TMEM106A: variants seen among roughly 807,000 people sequenced by gnomAD.
TMEM106A encodes the protein transmembrane protein 106A.
In TMEM106A, 22 loss-of-function variants were observed where a neutral mutation model predicts 25.1. The observed-to-expected ratio is 0.88, with a 90% CI of 0.63 to 1.25. The LOEUF is 1.25. Among genes scored for constraint, TMEM106A ranks in the 50% most tolerant of loss-of-function variants. The probability of loss-of-function intolerance (pLI) is 0.00; values close to 1 mark genes in which losing one functional copy is unlikely to be tolerated. For missense variants in TMEM106A, 275 were observed against 318.1 expected, an observed-to-expected ratio of 0.86 and a Z score of 1.03; for synonymous variants, 104 against 129.9, an observed-to-expected ratio of 0.80 and a Z score of 1.35.
In TMEM106A at chr17:43,215,866, C is replaced by T. The variant is rs780877261; in HGVS notation, c.354C>T (p.Ser118=). ...SFIVFFLFPR[S]VIVQPAGLNS... Reference sequence around the variant, plus strand: ...TCGTCTTTTTCCTGTTTCCCCGGTCCGTCATTGTGCAGCCTGCAGGCCTCA... The same window carrying T: ...TCGTCTTTTTCCTGTTTCCCCGGTCTGTCATTGTGCAGCCTGCAGGCCTCA... The change falls in exon 5 of 9, where the codon TCC becomes TCT. Residue 118 remains serine, a synonymous_variant. Transcript: ENST00000612339. 7.4e-6 allele frequency: 12 copies of T among 1,614,070 alleles called. No homozygotes were observed. The highest frequency in any genetic ancestry group is 4.5e-5 in the East Asian group (2 of 44,874).
intron 6 of TMEM106A, 53 bp from the exon 7 acceptor site, chr17:43,216,644 T>C (rs1386692853): frequency 3.7e-6 from 6 of 1,614,138 alleles, no homozygotes; most frequent in Non-Finnish European, 5.1e-6. Flanking sequence ...TGTGTGGTAG[T>C]GGGAAAGGGG....
At chr17:43,214,051 C>T in intron 4 of TMEM106A, 160 bp downstream of exon 4, 1 of 729,186 alleles carries the variant, frequency 1.4e-6, no homozygotes, top group Non-Finnish European at 2.2e-6. Context: ...GGATTTTTTC[C>T]TGATTTAGAA....
chr17:43,214,405 A>C (rs2057466119), intron 4 of TMEM106A, among the ~76,000 whole-genome samples: 1 of 152,068 alleles, frequency 6.6e-6, no homozygotes, highest in Admixed American at 6.6e-5. Flanking sequence ...CCTGGCTGCA[A>C]TTGATTTGAA....
At position 43,217,918 on chromosome 17, in the gene TMEM106A, C is replaced by T; in HGVS notation, c.*117C>T. Reference sequence around the variant, plus strand: ...TGCCAAAGGAGAAGCCCTGCCTCATCACACCCTTACCTCCCACCCCCTCAG... The same window carrying T: ...TGCCAAAGGAGAAGCCCTGCCTCATTACACCCTTACCTCCCACCCCCTCAG... On this transcript the variant is annotated 3_prime_UTR_variant, in exon 9 of 9. Coordinates refer to ENST00000612339, the MANE Select transcript of TMEM106A (RefSeq NM_145041.4). The T allele has an allele frequency of 6.8e-7, 1 of 1,476,828 alleles. No homozygotes were observed. Among genetic ancestry groups the T allele is most frequent in the Admixed American group, 1.9e-5 (1 of 52,610 alleles). The allele number at this position is 1,476,828 out of a possible 1,614,324, so 91.5% of individuals were successfully genotyped here.
chr17:43,217,239 T>A lies in TMEM106A; in HGVS notation c.615-20T>A. 2 of 1,614,128 alleles carry A rather than the reference T, an allele frequency of 1.2e-6. No homozygotes were observed. The highest frequency in any genetic ancestry group is 1.7e-6 in the Non-Finnish European group (2 of 1,179,968). The stretch of plus-strand genomic sequence containing the variant: ...CTCCATGTGACACGTGGTCCCACGT[T>A]CTCTTTTCTTCTCTCTCAGCAAAAT... On this transcript the variant is annotated intron_variant, in intron 7 of 8. Coordinates refer to ENST00000612339, the MANE Select transcript of TMEM106A (RefSeq NM_145041.4).
At position 43,213,190 on chromosome 17, in the gene TMEM106A, G is replaced by A. The variant is rs780121632; in HGVS notation, c.149G>A (p.Gly50Glu). The A allele has an allele frequency of 3.1e-6, 5 of 1,614,224 alleles. No homozygotes were observed. The Admixed American group carries it at 6.7e-5, about 22-fold the overall frequency. Reference protein sequence around the residue: ...KSFCSCVPCEGTADASFVTCP... With the variant: ...KSFCSCVPCEETADASFVTCP... The stretch of plus-strand genomic sequence containing the variant: ...TTTTGTTCCTGTGTGCCTTGTGAAG[G>A]AACTGCTGATGCCAGCTTCGTGACT... The change falls in exon 3 of 9, where the codon GGA (glycine) becomes GAA (glutamate). Residue 50 changes from glycine to glutamate, a missense_variant. By Grantham distance (98) the Gly-to-Glu change is moderately conservative. Coordinates refer to ENST00000612339, the MANE Select transcript of TMEM106A (RefSeq NM_145041.4).
chr17:43,213,321 A>T, intron 3 of TMEM106A, 69 bp downstream of exon 3: 6 of 1,529,292 alleles, frequency 3.9e-6, no homozygotes, highest in Non-Finnish European at 5.4e-6. Context: ...GGCCTGGGGC[A>T]GCCCCTCTGA....
chr17:43,213,300 C>T, intron 3 of TMEM106A, 48 bp downstream of exon 3: 5 of 1,605,158 alleles, frequency 3.1e-6, no homozygotes, highest in Non-Finnish European at 4.3e-6. Flanking sequence ...AGGGAAAGTT[C>T]TTAGCCTGTT....
chr17:43,212,820 A>T (rs2057446760), intron 2 of TMEM106A, among the ~76,000 whole-genome samples: 1 of 152,178 alleles, frequency 6.6e-6, no homozygotes, highest in Admixed American at 6.6e-5. Context: ...TCTCTTTTAA[A>T]ATAATGAAAG....
chr17:43,216,815 C>T (rs2154582622), intron 7 of TMEM106A, 75 bp downstream of exon 7: 1 of 1,587,552 alleles, frequency 6.3e-7, no homozygotes, highest in Non-Finnish European at 8.6e-7. Context: ...ACCAGCTTTC[C>T]TGATTGCTTA....
Position 43,217,830 on chromosome 17 carries a change from C to T in TMEM106A, c.*29C>T, listed in dbSNP as rs2057501524. The T allele has an allele frequency of 3.1e-6, 5 of 1,613,618 alleles. No individual in the cohort carries two copies. The East Asian group carries it at 6.7e-5, about 22-fold the overall frequency. On this transcript the variant is annotated 3_prime_UTR_variant, in exon 9 of 9. Transcript: ENST00000612339. ...GTCTGCTGTCCCTGTACTCCAGGCA[C>T]CTGCAACCCTGGTCTATATCTCCCA...
chr17:43,217,801 A>T lies in TMEM106A; in HGVS notation c.789A>T (p.Ter263CysextTer24). The change falls in exon 9 of 9, where the codon TGA (stop) becomes TGT (cysteine). Residue 263 changes from the stop codon to cysteine (C), a stop_lost. Transcript: ENST00000612339. ...VPHQLTPHPP[*>C] is the part of the protein sequence containing the mutation. Reference sequence around the variant, plus strand: ...ACCAGCTGACCCCTCACCCACCATGACCTGTCTGCTGTCCCTGTACTCCAG... The same window carrying T: ...ACCAGCTGACCCCTCACCCACCATGTCCTGTCTGCTGTCCCTGTACTCCAG... The T allele has an allele frequency of 6.2e-7, 1 of 1,613,862 alleles. No homozygotes were observed. The highest frequency in any genetic ancestry group is 8.5e-7 in the Non-Finnish European group (1 of 1,179,934).
Position 43,217,948 on chromosome 17 carries a change from G to A in TMEM106A, c.*147G>A. ...CCTTACCTCCCACCCCCTCAGCACA[G>A]GAAGCTTGCTTTGAAGTTAACTTCA... On this transcript the variant is annotated 3_prime_UTR_variant, in exon 9 of 9. Coordinates refer to ENST00000612339, the MANE Select transcript of TMEM106A (RefSeq NM_145041.4). The A allele has an allele frequency of 2.5e-6, 3 of 1,213,240 alleles. No individual in the cohort carries two copies. Among genetic ancestry groups the A allele is most frequent in the Non-Finnish European group, 3.5e-6 (3 of 865,118 alleles). 75.2% of individuals were successfully genotyped at this position (1,213,240 alleles called of 1,614,324 possible).
intron 5 of TMEM106A, 179 bp downstream of exon 5, chr17:43,216,120 ACT>A (rs2057483758): frequency 2.5e-6 from 2 of 795,012 alleles, no homozygotes; most frequent in Non-Finnish European, 3.9e-6. Context: ...AAGGATTGGG[ACT>A]CTACACAGTA....
Position 43,217,846 on chromosome 17 carries a change from A to T in TMEM106A, c.*45A>T, listed in dbSNP as rs146630454. 2 of 1,611,964 alleles carry T rather than the reference A, an allele frequency of 1.2e-6. No individual in the cohort carries two copies. Among genetic ancestry groups the T allele is most frequent in the South Asian group, 1.1e-5 (1 of 90,810 alleles). ...CTCCAGGCACCTGCAACCCTGGTCTATATCTCCCACAACTCCCTGGTGACT... is the reference window on the plus strand; with the variant it reads ...CTCCAGGCACCTGCAACCCTGGTCTTTATCTCCCACAACTCCCTGGTGACT... On this transcript the variant is annotated 3_prime_UTR_variant, in exon 9 of 9. Transcript: ENST00000612339.
At chr17:43,217,562 G>A (rs1975690184) in intron 8 of TMEM106A, 119 bp from the exon 9 acceptor site, 2 of 1,520,770 alleles carry the variant, frequency 1.3e-6, no homozygotes, top group Non-Finnish European at 1.8e-6. Context: ...TGGCAGAGTG[G>A]GGAGCCAGAG....
chr17:43,214,086 C>G (rs2057461895), intron 4 of TMEM106A, 195 bp downstream of exon 4: 1 of 547,400 alleles, frequency 1.8e-6, no homozygotes, highest in African/African-American at 1.9e-5. Context: ...TGTGGTGGCT[C>G]ATGCCTGTAA....
rs2057483181 is a variant in TMEM106A at position 43,216,070 on chromosome 17, A to G, written c.429+129A>G. On this transcript the variant is annotated intron_variant, in intron 5 of 8. Transcript: ENST00000612339. ...GCACCCAGAGGGTGTTGGGAGCCTGAAGAGAAGTAGGAGCAACCATGAGCT... is the reference window on the plus strand; with the variant it reads ...GCACCCAGAGGGTGTTGGGAGCCTGGAGAGAAGTAGGAGCAACCATGAGCT... The G allele has an allele frequency of 3.3e-6, 4 of 1,209,428 alleles. No individual in the cohort carries two copies. In the African/African-American group the frequency reaches 6.1e-5, roughly 18 times the overall value. The allele number at this position is 1,209,428 out of a possible 1,614,324, so 74.9% of individuals were successfully genotyped here. A position where few individuals can be genotyped will look rare whatever the true frequency, so the allele number is the denominator to read the frequency against.
At chr17:43,214,741 C>T (rs1287796772) in intron 4 of TMEM106A, among the ~76,000 whole-genome samples, 1 of 151,976 alleles carries the variant, frequency 6.6e-6, no homozygotes, top group African/African-American at 2.4e-5. Context: ...AGGCGGATCA[C>T]CTGAGGTTAG....
Sources: allele counts gnomAD v4.1 joint callset (sites outside exome capture counted in the v4.1 genomes callset), GRCh38; gene constraint gnomAD v4.1.1; transcripts MANE v1.5; gene names NCBI Gene and HGNC (gene_info 2026-07-23, HGNC 2026-07-21).